MYT1L: variants seen among roughly 807,000 people sequenced by gnomAD.
MYT1L encodes myelin transcription factor 1 like, also known as myelin transcription factor 1-like protein.
MYT1L carries 12 observed loss-of-function variants against 126.7 expected under a neutral mutation model. That is an observed-to-expected ratio of 0.09 (90% CI 0.06 to 0.15). The LOEUF (loss-of-function observed/expected upper bound fraction) is 0.15, where lower values mean the gene tolerates loss of function less well. Ranked by LOEUF, MYT1L falls within the 10% of genes least tolerant of loss-of-function variation. The probability of loss-of-function intolerance (pLI) is 1.00; values close to 1 mark genes in which losing one functional copy is unlikely to be tolerated. For synonymous variants in MYT1L, 541 were observed against 604.2 expected (o/e 0.90, Z 1.53); for missense variants, 979 against 1,585.2 (o/e 0.62, Z 6.49).
At position 1,858,143 on chromosome 2, in the gene MYT1L, C is replaced by T. The variant is rs143642426; in HGVS notation, c.2712-6440G>A. ...CCTCCCAAAGTGCTGGGATTATGGG[C>T]GTAAGCCACCACACACAGCCTAAAT... On this transcript the variant is annotated intron_variant, in intron 18 of 24. Transcript: ENST00000647738. Among the ~76,000 whole-genome samples the T allele has an allele frequency of 9.0e-3, 1,367 of 152,298 alleles. 13 individuals carry two copies. The highest frequency in any genetic ancestry group is 0.016 in the Non-Finnish European group (1,059 of 68,032).
At chr2:1,937,234 G>A (rs2056017034) in intron 9 of MYT1L, among the ~76,000 whole-genome samples, 1 of 152,188 alleles carries the variant, frequency 6.6e-6, no homozygotes, top group Non-Finnish European at 1.5e-5. Context: ...CTGCCTCAGG[G>A]CGGCCTCCAT....
chr2:2,301,825 TAA>T (rs375520368), intron 1 of MYT1L, among the ~76,000 whole-genome samples: 36 of 96,876 alleles, frequency 3.7e-4, no homozygotes, highest in African/African-American at 2.4e-4. Flanking sequence ...CCTGTCTGTC[TAA>T]AAAAAAAAAA....
At chr2:1,946,693 C>T (rs1008222653) in intron 8 of MYT1L, among the ~76,000 whole-genome samples, 5 of 152,124 alleles carry the variant, frequency 3.3e-5, no homozygotes, top group Non-Finnish European at 5.9e-5. Context: ...AAAAAAAATT[C>T]ATCTATAGTC....
chr2:2,041,655 C>G (rs879196533), intron 4 of MYT1L, among the ~76,000 whole-genome samples: 2 of 152,114 alleles, frequency 1.3e-5, no homozygotes, highest in Non-Finnish European at 2.9e-5. Context: ...CCAGGAGGAC[C>G]TTTGCCTCTG....
At chr2:2,302,875 C>T (rs1347543529) in intron 1 of MYT1L, among the ~76,000 whole-genome samples, 1 of 152,046 alleles carries the variant, frequency 6.6e-6, no homozygotes, top group Non-Finnish European at 1.5e-5. Flanking sequence ...AATGAAGAAG[C>T]CAAGGCACTT....
chr2:2,297,238 G>A (rs576765713), intron 1 of MYT1L, among the ~76,000 whole-genome samples: 5 of 152,306 alleles, frequency 3.3e-5, no homozygotes, highest in East Asian at 1.9e-4. Flanking sequence ...CGTGACCCTC[G>A]GAGGTTTTGA....
chr2:1,942,285 A>G (rs944639712), intron 9 of MYT1L, among the ~76,000 whole-genome samples: 24 of 152,200 alleles, frequency 1.6e-4, no homozygotes, highest in Admixed American at 1.3e-3. Context: ...GTAACAGAAC[A>G]CTGGACATGA....
intron 5 of MYT1L, among the ~76,000 whole-genome samples, chr2:1,991,203 G>C (rs192384110): frequency 6.6e-6 from 1 of 152,104 alleles, no homozygotes; most frequent in Non-Finnish European, 1.5e-5. Context: ...GCCAGGAATC[G>C]TGGCCCCAAA....
chr2:1,973,534 A>C (rs977167188), intron 8 of MYT1L, among the ~76,000 whole-genome samples: 2 of 152,238 alleles, frequency 1.3e-5, no homozygotes, highest in African/African-American at 2.4e-5. Flanking sequence ...ATGTTCAAAA[A>C]TAGATTATTG....
chr2:2,118,286 G>C (rs2080497064), intron 3 of MYT1L, among the ~76,000 whole-genome samples: 1 of 151,996 alleles, frequency 6.6e-6, no homozygotes, highest in Non-Finnish European at 1.5e-5. Context: ...ATGAAGAATT[G>C]CTTAAAATTT....
At chr2:2,033,449 C>A (rs1310612309) in intron 4 of MYT1L, among the ~76,000 whole-genome samples, 2 of 151,436 alleles carry the variant, frequency 1.3e-5, no homozygotes, top group African/African-American at 2.4e-5. Context: ...TTATACACAC[C>A]GCTCGCCAGT....
intron 5 of MYT1L, among the ~76,000 whole-genome samples, chr2:1,993,250 G>A (rs1021037955): frequency 1.3e-5 from 2 of 152,150 alleles, no homozygotes; most frequent in African/African-American, 4.8e-5. Flanking sequence ...CCCCTTGGGC[G>A]GTTACATTAT....
intron 9 of MYT1L, among the ~76,000 whole-genome samples, chr2:1,935,439 T>TA (rs2149212500): frequency 6.6e-6 from 1 of 152,240 alleles, no homozygotes; most frequent in Non-Finnish European, 1.5e-5. Flanking sequence ...TCATGGATGT[T>TA]AGGTTCAGGG....
chr2:1,912,138 C>A lies in MYT1L; in HGVS notation c.1619-28G>T. The A allele has an allele frequency of 1.3e-6, 2 of 1,518,908 alleles. No homozygotes were observed. The highest frequency in any genetic ancestry group is 9.0e-7 in the Non-Finnish European group (1 of 1,110,286). 94.1% of individuals were successfully genotyped at this position (1,518,908 alleles called of 1,614,324 possible). ...TGACAGGGAGAGGCAAAGAGAACAG[C>A]CAGTGTTAAAACAGAGGCACGGTTA... On this transcript the variant is annotated intron_variant, in intron 11 of 24. Transcript: ENST00000647738. This position sits in a 1 kb window ranked among gnomAD's most constrained non-coding sequence, Gnocchi z 4.3.
At chr2:1,878,137 A>G (rs1176314439) in intron 18 of MYT1L, among the ~76,000 whole-genome samples, 1 of 152,204 alleles carries the variant, frequency 6.6e-6, no homozygotes, top group Non-Finnish European at 1.5e-5. Context: ...ATGGTTTTTC[A>G]CAATAGTGTA....
intron 3 of MYT1L, among the ~76,000 whole-genome samples, chr2:2,143,926 A>G (rs1346257567): frequency 6.7e-6 from 1 of 150,372 alleles, no homozygotes; most frequent in Non-Finnish European, 1.5e-5. Flanking sequence ...ACTCGTCGGC[A>G]TAAAGATGGG....
chr2:1,923,428 T>A (rs1275540274), intron 9 of MYT1L, among the ~76,000 whole-genome samples, 165 bp from the exon 10 acceptor site: 1 of 152,212 alleles, frequency 6.6e-6, no homozygotes. Flanking sequence ...AAAGTTGACA[T>A]AAAGAAAACG....
intron 3 of MYT1L, among the ~76,000 whole-genome samples, chr2:2,106,967 G>A (rs2078833234): frequency 6.6e-6 from 1 of 152,136 alleles, no homozygotes; most frequent in South Asian, 2.1e-4. Flanking sequence ...CAGCCGAGCT[G>A]GATCCTTTGT....
chr2:2,025,096 A>C (rs1227201734), intron 4 of MYT1L, among the ~76,000 whole-genome samples: 1 of 152,130 alleles, frequency 6.6e-6, no homozygotes, highest in South Asian at 2.1e-4. Context: ...TTTTAATTTT[A>C]TAGGCAAACC....
Sources: allele counts gnomAD v4.1 joint callset (sites outside exome capture counted in the v4.1 genomes callset), GRCh38; gene constraint gnomAD v4.1.1; non-coding constraint Gnocchi (gnomAD v3.1); transcripts MANE v1.5; gene names NCBI Gene and HGNC (gene_info 2026-07-23, HGNC 2026-07-21).